The following MPZL1 variants were observed in gnomAD, a reference collection of about 807,000 sequenced individuals.
MPZL1 encodes myelin protein zero like 1.
Under a neutral mutation model 29.3 loss-of-function variants are expected in MPZL1, and 16 were observed. The observed-to-expected ratio is 0.55, with a 90% CI of 0.37 to 0.83. The LOEUF (loss-of-function observed/expected upper bound fraction) is 0.83. Ranked by LOEUF, MPZL1 falls within the 40% of genes least tolerant of loss-of-function variation. The pLI is 0.00. For missense variants in MPZL1, 279 were observed against 332.9 expected (o/e 0.84, Z 1.26); for synonymous variants, 143 against 132.0 (o/e 1.08, Z -0.57).
Position 167,728,415 on chromosome 1 carries a change from C to T in MPZL1, c.91+6173C>T, listed in dbSNP as rs2101745748. ...TAGAGATGGGGTTTCACCATATTGGCCAGGCTGGTCTCGAACTCCTGACCT... is the reference window on the plus strand; with the variant it reads ...TAGAGATGGGGTTTCACCATATTGGTCAGGCTGGTCTCGAACTCCTGACCT... On this transcript the variant is annotated intron_variant, in intron 1 of 5. Coordinates refer to ENST00000359523, the MANE Select transcript of MPZL1 (RefSeq NM_003953.6). 3.6e-5 allele frequency among the ~76,000 whole-genome samples: 5 copies of T among 139,888 alleles called. 1 individual carries two copies. In the Admixed American group the frequency reaches 3.8e-4, roughly 11 times the overall value. The allele number at this position is 139,888 out of a possible 152,430, so 91.8% of individuals were successfully genotyped here. A position where few individuals can be genotyped will look rare whatever the true frequency, so the allele number is the denominator to read the frequency against.
At chr1:167,730,506 T>C (rs571460979) in intron 1 of MPZL1, among the ~76,000 whole-genome samples, 59 of 152,292 alleles carry the variant, frequency 3.9e-4, no homozygotes, top group African/African-American at 1.3e-3. Context: ...CTTGAACTCC[T>C]GACTTCAGGT....
intron 5 of MPZL1, among the ~76,000 whole-genome samples, chr1:167,777,588 T>A (rs1661398798): frequency 6.6e-6 from 1 of 152,104 alleles, no homozygotes; most frequent in South Asian, 2.1e-4. Context: ...GAGAGCGTGC[T>A]AGGATGAGCA....
chr1:167,762,257 C>G (rs1379597329), intron 1 of MPZL1, among the ~76,000 whole-genome samples: 1 of 152,164 alleles, frequency 6.6e-6, no homozygotes, highest in Non-Finnish European at 1.5e-5. Flanking sequence ...TTTCCCACAA[C>G]AAAGGATTGT....
intron 1 of MPZL1, among the ~76,000 whole-genome samples, chr1:167,763,876 C>T (rs1440070693): frequency 6.6e-6 from 1 of 152,182 alleles, no homozygotes; most frequent in African/African-American, 2.4e-5. Flanking sequence ...CTGCTTGATG[C>T]AGTATGGCTA....
intron 1 of MPZL1, among the ~76,000 whole-genome samples, chr1:167,732,677 T>C (rs1660295745): frequency 6.6e-6 from 1 of 152,160 alleles, no homozygotes; most frequent in Non-Finnish European, 1.5e-5. Context: ...AGTGCAATGG[T>C]GCGACCTCAG....
At chr1:167,757,196 G>A (rs556182313) in intron 1 of MPZL1, among the ~76,000 whole-genome samples, 2 of 152,244 alleles carry the variant, frequency 1.3e-5, no homozygotes, top group Non-Finnish European at 2.9e-5. Context: ...ATTTGAGTCT[G>A]ACCCCACAGT....
chr1:167,738,688 T>C (rs1660433251), intron 1 of MPZL1, among the ~76,000 whole-genome samples: 1 of 146,668 alleles, frequency 6.8e-6, no homozygotes, highest in Admixed American at 6.7e-5. Context: ...GAGATCTGGT[T>C]GTTTAAAAGT....
intron 2 of MPZL1, among the ~76,000 whole-genome samples, chr1:167,771,985 T>C (rs1167408864): frequency 2.0e-5 from 3 of 151,904 alleles, no homozygotes; most frequent in African/African-American, 7.3e-5. Context: ...CAGTCAGGCG[T>C]GGCCGCACGT....
intron 5 of MPZL1, among the ~76,000 whole-genome samples, chr1:167,782,790 G>A (rs1661522461): frequency 6.6e-6 from 1 of 152,184 alleles, no homozygotes; most frequent in Non-Finnish European, 1.5e-5. Context: ...AAGCATCGGG[G>A]AGAGACTGGA....
intron 1 of MPZL1, among the ~76,000 whole-genome samples, chr1:167,755,622 A>G (rs1660854986): frequency 6.6e-6 from 1 of 152,222 alleles, no homozygotes; most frequent in Non-Finnish European, 1.5e-5. Flanking sequence ...AAATGTTTGG[A>G]TGCTTTATGC....
intron 1 of MPZL1, among the ~76,000 whole-genome samples, chr1:167,757,392 T>TCAC (rs971950374): frequency 1.3e-5 from 2 of 152,248 alleles, no homozygotes; most frequent in African/African-American, 4.8e-5. Context: ...TCTTCCTGTG[T>TCAC]CTGTCTTTTT....
At chr1:167,751,181 T>C (rs1315593513) in intron 1 of MPZL1, among the ~76,000 whole-genome samples, 1 of 152,260 alleles carries the variant, frequency 6.6e-6, no homozygotes, top group Admixed American at 6.5e-5. Flanking sequence ...TGGGTAATTC[T>C]TTGAAACTAG....
At chr1:167,738,482 T>C (rs71632323) in intron 1 of MPZL1, among the ~76,000 whole-genome samples, 14 of 152,180 alleles carry the variant, frequency 9.2e-5, no homozygotes, top group African/African-American at 3.4e-4. Flanking sequence ...TCCTACTATT[T>C]ATAGCTGGAA....
chr1:167,727,254 C>T (rs773460614), intron 1 of MPZL1, among the ~76,000 whole-genome samples: 1 of 152,168 alleles, frequency 6.6e-6, no homozygotes, highest in African/African-American at 2.4e-5. Flanking sequence ...TCTCACCATC[C>T]ACTTTGCATC....
chr1:167,764,501 C>T (rs1661066899), intron 1 of MPZL1, among the ~76,000 whole-genome samples: 1 of 152,124 alleles, frequency 6.6e-6, no homozygotes, highest in Non-Finnish European at 1.5e-5. Context: ...ATTGCACTAA[C>T]AAAACCAAAA....
intron 5 of MPZL1, among the ~76,000 whole-genome samples, chr1:167,786,131 G>T (rs1661588535): frequency 6.6e-6 from 1 of 152,098 alleles, no homozygotes; most frequent in Admixed American, 6.5e-5. Flanking sequence ...TTTTTGGTGG[G>T]GTTAGCATTT....
intron 1 of MPZL1, among the ~76,000 whole-genome samples, chr1:167,731,497 C>T (rs1263299391): frequency 7.9e-5 from 11 of 139,672 alleles, no homozygotes; most frequent in African/African-American, 2.8e-4. Context: ...AGTGCAGTGG[C>T]GCGATCTCGG....
At chr1:167,750,768 T>C (rs1660739496) in intron 1 of MPZL1, among the ~76,000 whole-genome samples, 1 of 152,242 alleles carries the variant, frequency 6.6e-6, no homozygotes, top group African/African-American at 2.4e-5. Context: ...ATTTGGATGA[T>C]GCCCGTTGAT....
chr1:167,743,998 A>G (rs1558112713), intron 1 of MPZL1, among the ~76,000 whole-genome samples: 1 of 151,912 alleles, frequency 6.6e-6, no homozygotes, highest in Non-Finnish European at 1.5e-5. Context: ...TCTCAGAGGG[A>G]CTGCTTTCAA....
Sources: allele counts gnomAD v4.1 joint callset (sites outside exome capture counted in the v4.1 genomes callset), GRCh38; gene constraint gnomAD v4.1.1; transcripts MANE v1.5; gene names NCBI Gene and HGNC (gene_info 2026-07-23, HGNC 2026-07-21).